The following GABRB1 variants were observed in gnomAD, a reference collection of about 807,000 sequenced individuals.
GABRB1 encodes the protein gamma-aminobutyric acid type A receptor subunit beta1.
In GABRB1, 17 loss-of-function variants were observed where a neutral mutation model predicts 51.6. The ratio of observed to expected loss-of-function variants is 0.33; its 90% CI spans 0.23 to 0.49. The LOEUF (loss-of-function observed/expected upper bound fraction) is 0.49. GABRB1 is among the 20% of genes least tolerant of loss of function. The pLI, the probability that GABRB1 is intolerant of heterozygous loss-of-function variation, is 0.99. For synonymous variants in GABRB1, 247 were observed against 218.9 expected (o/e 1.13, Z -1.14); for missense variants, 410 against 600.6 (o/e 0.68, Z 3.32).
intron 4 of GABRB1, among the ~76,000 whole-genome samples, chr4:47,262,994 G>A (rs942464307): frequency 1.5e-5 from 2 of 136,956 alleles, no homozygotes; most frequent in African/African-American, 5.5e-5. Flanking sequence ...ATTGAACAGT[G>A]AGAACACATA....
chr4:47,240,307 A>G (rs1212090601), intron 4 of GABRB1, among the ~76,000 whole-genome samples: 1 of 152,210 alleles, frequency 6.6e-6, no homozygotes, highest in East Asian at 1.9e-4. Context: ...GGCTGATCAC[A>G]AAATGCCGAT....
intron 5 of GABRB1, among the ~76,000 whole-genome samples, chr4:47,352,056 T>A (rs1180339675): frequency 6.6e-6 from 1 of 152,024 alleles, no homozygotes; most frequent in Non-Finnish European, 1.5e-5. Flanking sequence ...TTTCTCCACA[T>A]CCTCTCCAGC....
intron 3 of GABRB1, among the ~76,000 whole-genome samples, chr4:47,091,926 C>CT (rs1247804825): frequency 7.2e-5 from 11 of 152,002 alleles, no homozygotes; most frequent in Non-Finnish European, 1.6e-4. Flanking sequence ...TTCCTTTCTC[C>CT]TTTTTCCTGG....
At chr4:47,331,556 T>C (rs1388598410) in intron 5 of GABRB1, among the ~76,000 whole-genome samples, 2 of 152,118 alleles carry the variant, frequency 1.3e-5, no homozygotes, top group Non-Finnish European at 2.9e-5. Flanking sequence ...GGTGTCATGA[T>C]GGATGACCAT....
chr4:47,082,713 C>T (rs528346444), intron 3 of GABRB1, among the ~76,000 whole-genome samples: 1 of 152,062 alleles, frequency 6.6e-6, no homozygotes, highest in South Asian at 2.1e-4. Flanking sequence ...CTGGGGTATA[C>T]TGTTTCTAAA....
intron 3 of GABRB1, among the ~76,000 whole-genome samples, chr4:47,066,399 T>A (rs1192631845): frequency 6.6e-6 from 1 of 152,226 alleles, no homozygotes; most frequent in East Asian, 1.9e-4. Flanking sequence ...CTTTCTTTCA[T>A]GAAAGACTTC....
intron 4 of GABRB1, among the ~76,000 whole-genome samples, chr4:47,168,491 T>C (rs1333457072): frequency 6.6e-6 from 1 of 152,138 alleles, no homozygotes; most frequent in Non-Finnish European, 1.5e-5. Context: ...TATTCCCTTA[T>C]TGTAAATGTC....
At chr4:47,188,897 A>G (rs554582999) in intron 4 of GABRB1, among the ~76,000 whole-genome samples, 1 of 152,146 alleles carries the variant, frequency 6.6e-6, no homozygotes, top group South Asian at 2.1e-4. Context: ...TAACTCATGT[A>G]GTTAATCTCT....
At chr4:47,336,696 T>A (rs140940850) in intron 5 of GABRB1, among the ~76,000 whole-genome samples, 6 of 152,112 alleles carry the variant, frequency 3.9e-5, no homozygotes, top group African/African-American at 1.4e-4. Flanking sequence ...ATAGTGCAAG[T>A]TGGATGACAA....
At chr4:47,045,698 T>C (rs1726053622) in intron 3 of GABRB1, among the ~76,000 whole-genome samples, 1 of 151,946 alleles carries the variant, frequency 6.6e-6, no homozygotes. Flanking sequence ...TGGAGCCTCT[T>C]TCCTAAGGGC....
intron 4 of GABRB1, among the ~76,000 whole-genome samples, chr4:47,260,782 T>A (rs1722402000): frequency 1.3e-5 from 2 of 152,118 alleles, no homozygotes; most frequent in South Asian, 2.1e-4. Flanking sequence ...TTGATGAACA[T>A]TGATGCAAAA....
chr4:47,320,034 C>T (rs1432031281), intron 4 of GABRB1, 93 bp from the exon 5 acceptor site: 5 of 862,662 alleles, frequency 5.8e-6, no homozygotes, highest in Non-Finnish European at 7.9e-6. Context: ...CTTGTTTCTG[C>T]CAACTGGTAA....
At chr4:47,335,438 C>G (rs1168862329) in intron 5 of GABRB1, among the ~76,000 whole-genome samples, 1 of 152,002 alleles carries the variant, frequency 6.6e-6, no homozygotes, top group African/African-American at 2.4e-5. Context: ...TTTGCCCCAA[C>G]AAATGCAAGA....
rs144958699 is a variant in GABRB1 at position 47,291,802 on chromosome 4, T to C, written c.462-28325T>C. On this transcript the variant is annotated intron_variant, in intron 4 of 8. Transcript: ENST00000295454. Reference sequence around the variant, plus strand: ...GCCAGTATCTCCCATTTGGAATGGGTGTATTTATCCAATGCCTGTACCCCC... The same window carrying C: ...GCCAGTATCTCCCATTTGGAATGGGCGTATTTATCCAATGCCTGTACCCCC... Among the ~76,000 whole-genome samples the C allele has an allele frequency of 2.2e-3, 332 of 152,252 alleles. 3 individuals carry two copies. The highest frequency in any genetic ancestry group is 7.0e-3 in the African/African-American group (292 of 41,526).
At chr4:47,235,480 C>A (rs1156380756) in intron 4 of GABRB1, among the ~76,000 whole-genome samples, 2 of 151,260 alleles carry the variant, frequency 1.3e-5, no homozygotes, top group Non-Finnish European at 2.9e-5. Context: ...ACCAGGGAGT[C>A]AGACGTTGCA....
intron 3 of GABRB1, among the ~76,000 whole-genome samples, chr4:47,088,093 C>G (rs1728151882): frequency 6.6e-6 from 1 of 152,168 alleles, no homozygotes; most frequent in Non-Finnish European, 1.5e-5. Flanking sequence ...GAAATATGAA[C>G]TAGTTTAAGA....
chr4:47,308,196 C>G (rs546542834), intron 4 of GABRB1, among the ~76,000 whole-genome samples: 1 of 151,738 alleles, frequency 6.6e-6, no homozygotes, highest in Non-Finnish European at 1.5e-5. Flanking sequence ...ATCCTGATGC[C>G]GATGAGGAAA....
chr4:47,311,746 C>T (rs1470168213), intron 4 of GABRB1, among the ~76,000 whole-genome samples: 4 of 152,142 alleles, frequency 2.6e-5, no homozygotes, highest in Admixed American at 6.6e-5. Flanking sequence ...GAAACTAATA[C>T]TGTATGTGAG....
At chr4:47,020,000 G>A (rs1053490071) in intron 1 of GABRB1, among the ~76,000 whole-genome samples, 1 of 151,136 alleles carries the variant, frequency 6.6e-6, no homozygotes, top group Non-Finnish European at 1.5e-5. Context: ...TGCCTAGGCT[G>A]GTCTCGAACT....
Sources: allele counts gnomAD v4.1 joint callset (sites outside exome capture counted in the v4.1 genomes callset), GRCh38; gene constraint gnomAD v4.1.1; transcripts MANE v1.5; gene names NCBI Gene and HGNC (gene_info 2026-07-23, HGNC 2026-07-21).